Variants in CALCR observed in about 807,000 individuals in gnomAD.
CALCR encodes calcitonin receptor.
A neutral mutation model predicts 59.5 loss-of-function variants in CALCR; 47 were observed. That is an observed-to-expected ratio of 0.79 (90% CI 0.63 to 1.01). CALCR has a LOEUF of 1.01. Ranked by LOEUF, CALCR falls within the 50% of genes least tolerant of loss-of-function variation. The probability of loss-of-function intolerance (pLI) is 0.00; values close to 1 mark genes in which losing one functional copy is unlikely to be tolerated. For missense variants in CALCR, 566 were observed against 597.1 expected, an observed-to-expected ratio of 0.95 and a Z score of 0.54; for synonymous variants, 213 against 211.3, an observed-to-expected ratio of 1.01 and a Z score of -0.07.
At chr7:93,498,877 T>C (rs981355128) in intron 2 of CALCR, among the ~76,000 whole-genome samples, 1 of 151,720 alleles carries the variant, frequency 6.6e-6, no homozygotes, top group Non-Finnish European at 1.5e-5. Context: ...CTTGTAACTT[T>C]TCAACTTCTG....
chr7:93,571,293 C>T (rs1789997955), intron 2 of CALCR, among the ~76,000 whole-genome samples: 1 of 152,056 alleles, frequency 6.6e-6, no homozygotes, highest in Non-Finnish European at 1.5e-5. Context: ...CTCTACTAGA[C>T]ACGACATCCT....
chr7:93,433,540 G>T (rs1799703308), intron 13 of CALCR, among the ~76,000 whole-genome samples: 2 of 152,120 alleles, frequency 1.3e-5, no homozygotes, highest in African/African-American at 4.8e-5. Context: ...GATCTTTCTG[G>T]AGTTCAGATT....
chr7:93,451,927 A>G (rs1800117362), intron 8 of CALCR, among the ~76,000 whole-genome samples: 1 of 152,000 alleles, frequency 6.6e-6, no homozygotes, highest in Non-Finnish European at 1.5e-5. Context: ...GAACAGGAAA[A>G]CATGTATCAC....
intron 2 of CALCR, among the ~76,000 whole-genome samples, chr7:93,556,089 T>C (rs539034444): frequency 9.8e-5 from 15 of 152,298 alleles, no homozygotes; most frequent in South Asian, 2.1e-4. Flanking sequence ...TCTGAATCCA[T>C]TGAGGTTATC....
At chr7:93,567,966 C>A (rs545735637) in intron 2 of CALCR, among the ~76,000 whole-genome samples, 6 of 152,152 alleles carry the variant, frequency 3.9e-5, no homozygotes, top group South Asian at 4.2e-4. Flanking sequence ...TTATTGAGGG[C>A]AGGGGCTTAT....
rs1046613697 is a variant in CALCR, at chr7:93,472,505, C to T, written c.317-18G>A. 1.5e-5 allele frequency: 20 copies of T among 1,333,504 alleles called. No individual in the cohort carries two copies. Among genetic ancestry groups the T allele is most frequent in the Non-Finnish European group, 2.0e-5 (19 of 930,724 alleles). The allele number at this position is 1,333,504 out of a possible 1,614,324, so 82.6% of individuals were successfully genotyped here. A position where few individuals can be genotyped will look rare whatever the true frequency, so the allele number is the denominator to read the frequency against. On this transcript the variant is annotated intron_variant, in intron 5 of 13. Coordinates refer to ENST00000426151, the MANE Select transcript of CALCR (RefSeq NM_001742.4). ...AACCTTTTCTGTTAATGAAACATAACAGTTATTGCATTAATATCTCAAAAT... is the reference window on the plus strand; with the variant it reads ...AACCTTTTCTGTTAATGAAACATAATAGTTATTGCATTAATATCTCAAAAT...
At chr7:93,510,109 A>G (rs1486623842) in intron 2 of CALCR, among the ~76,000 whole-genome samples, 2 of 152,134 alleles carry the variant, frequency 1.3e-5, no homozygotes, top group African/African-American at 4.8e-5. Flanking sequence ...ACGAGCAAGG[A>G]CATTTATTTA....
At chr7:93,558,102 T>G (rs1789652726) in intron 2 of CALCR, among the ~76,000 whole-genome samples, 1 of 151,722 alleles carries the variant, frequency 6.6e-6, no homozygotes, top group Non-Finnish European at 1.5e-5. Flanking sequence ...ATAAACAAAC[T>G]TAAATCTTGT....
At chr7:93,511,631 T>C (rs1486238379) in intron 2 of CALCR, among the ~76,000 whole-genome samples, 1 of 152,118 alleles carries the variant, frequency 6.6e-6, no homozygotes, top group Non-Finnish European at 1.5e-5. Context: ...AGCAGATTCT[T>C]AGACAATACA....
At chr7:93,468,599 G>C (rs1324008725) in intron 7 of CALCR, 116 bp downstream of exon 7, 4 of 609,716 alleles carry the variant, frequency 6.6e-6, no homozygotes, top group Non-Finnish European at 8.7e-6. Context: ...TCCTAATGTT[G>C]CATGTCGCTT....
chr7:93,552,382 C>A (rs1047257163), intron 2 of CALCR, among the ~76,000 whole-genome samples: 27 of 152,064 alleles, frequency 1.8e-4, no homozygotes, highest in African/African-American at 6.3e-4. Flanking sequence ...TATGTGATGC[C>A]CTTTCCAAGG....
chr7:93,539,339 G>A (rs1789070603), intron 2 of CALCR, among the ~76,000 whole-genome samples: 1 of 151,690 alleles, frequency 6.6e-6, no homozygotes, highest in African/African-American at 2.4e-5. Flanking sequence ...TTTAGAGTAG[G>A]TGTATGATGA....
intron 6 of CALCR, among the ~76,000 whole-genome samples, chr7:93,470,909 A>C: frequency 6.7e-6 from 1 of 149,234 alleles, no homozygotes; most frequent in East Asian, 2.0e-4. Flanking sequence ...ATATCTCCCA[A>C]TGCTATCCCT....
At chr7:93,488,808 A>G (rs1240313379) in intron 2 of CALCR, among the ~76,000 whole-genome samples, 4 of 151,750 alleles carry the variant, frequency 2.6e-5, no homozygotes, top group Non-Finnish European at 5.9e-5. Context: ...CCCACACAAT[A>G]ATAGTGGGAG....
intron 2 of CALCR, among the ~76,000 whole-genome samples, chr7:93,490,808 T>C (rs1479418011): frequency 1.3e-5 from 2 of 152,000 alleles, no homozygotes; most frequent in Non-Finnish European, 2.9e-5. Context: ...GAAGAATCGA[T>C]ATCGTGAAAA....
chr7:93,556,037 T>A (rs1584629495), intron 2 of CALCR, among the ~76,000 whole-genome samples: 1 of 152,194 alleles, frequency 6.6e-6, no homozygotes, highest in East Asian at 1.9e-4. Flanking sequence ...AAATACTGCA[T>A]CCTGCAAAGA....
intron 2 of CALCR, among the ~76,000 whole-genome samples, chr7:93,525,214 T>C (rs890773439): frequency 6.6e-6 from 1 of 152,204 alleles, no homozygotes; most frequent in Non-Finnish European, 1.5e-5. Context: ...CTTGGTTCTA[T>C]ACATTCCTAT....
At chr7:93,562,815 A>G (rs1327142724) in intron 2 of CALCR, among the ~76,000 whole-genome samples, 1 of 152,218 alleles carries the variant, frequency 6.6e-6, no homozygotes, top group Non-Finnish European at 1.5e-5. Flanking sequence ...TGGATAATCT[A>G]ATGTAAGCAG....
At chr7:93,442,396 G>T (rs1288646217) in intron 9 of CALCR, among the ~76,000 whole-genome samples, 1 of 152,042 alleles carries the variant, frequency 6.6e-6, no homozygotes, top group African/African-American at 2.4e-5. Context: ...CAATGCATTT[G>T]GTTAAAACCA....
Sources: allele counts gnomAD v4.1 joint callset (sites outside exome capture counted in the v4.1 genomes callset), GRCh38; gene constraint gnomAD v4.1.1; transcripts MANE v1.5; gene names NCBI Gene and HGNC (gene_info 2026-07-23, HGNC 2026-07-21).